Variants in WWOX observed in about 807,000 individuals in gnomAD.
WWOX encodes the protein WW domain-containing oxidoreductase.
In WWOX, 69 loss-of-function variants were observed where a neutral mutation model predicts 46.2. That is an observed-to-expected ratio of 1.49 (90% confidence interval 1.23 to 1.82). The LOEUF (loss-of-function observed/expected upper bound fraction) is 1.82, where lower values mean the gene tolerates loss of function less well. Among genes scored for constraint, WWOX ranks in the 40% most tolerant of loss-of-function variants. The pLI, the probability that WWOX is intolerant of heterozygous loss-of-function variation, is 0.00. For synonymous variants in WWOX, 359 were observed against 202.6 expected, an observed-to-expected ratio of 1.77 and a Z score of -6.56; for missense variants, 919 against 542.6, an observed-to-expected ratio of 1.69 and a Z score of -6.89.
At chr16:78,836,352 C>T (rs769658634) in intron 8 of WWOX, among the ~76,000 whole-genome samples, 1 of 152,096 alleles carries the variant, frequency 6.6e-6, no homozygotes, top group Non-Finnish European at 1.5e-5. Context: ...CCAGTGGCCC[C>T]AGCAGAGATA....
At chr16:78,838,437 A>G (rs1017376910) in intron 8 of WWOX, among the ~76,000 whole-genome samples, 1 of 152,182 alleles carries the variant, frequency 6.6e-6, no homozygotes, top group Non-Finnish European at 1.5e-5. Flanking sequence ...CAATAAGAAT[A>G]TTTTCTTTGG....
At chr16:78,431,510 C>A (rs1302446725) in intron 7 of WWOX, among the ~76,000 whole-genome samples, 1 of 152,086 alleles carries the variant, frequency 6.6e-6, no homozygotes, top group Admixed American at 6.6e-5. Flanking sequence ...TGATATCTTT[C>A]TGTTTCCAAA....
chr16:78,531,785 G>C (rs1597221616), intron 8 of WWOX, among the ~76,000 whole-genome samples: 1 of 152,282 alleles, frequency 6.6e-6, no homozygotes, highest in East Asian at 1.9e-4. Context: ...TTGAACTCCA[G>C]AGGCAGAGGT....
At chr16:79,055,979 C>A (rs984469512) in intron 8 of WWOX, among the ~76,000 whole-genome samples, 3 of 152,120 alleles carry the variant, frequency 2.0e-5, no homozygotes, top group African/African-American at 7.2e-5. Context: ...TTCTTTCATT[C>A]TCTGATCTGT....
intron 8 of WWOX, among the ~76,000 whole-genome samples, chr16:78,571,750 C>T (rs900683410): frequency 5.3e-5 from 8 of 152,122 alleles, no homozygotes; most frequent in Non-Finnish European, 1.2e-4. Flanking sequence ...TGACTGCAAT[C>T]CCAGCTACTC....
At chr16:78,562,781 A>T (rs1253425267) in intron 8 of WWOX, among the ~76,000 whole-genome samples, 1 of 152,216 alleles carries the variant, frequency 6.6e-6, no homozygotes, top group African/African-American at 2.4e-5. Context: ...GACCCTGTCT[A>T]TGGAAGTGCT....
intron 8 of WWOX, among the ~76,000 whole-genome samples, chr16:78,802,915 G>GGAAAA: frequency 9.6e-5 from 1 of 10,442 alleles, no homozygotes; most frequent in Non-Finnish European, 1.9e-4. Flanking sequence ...GACTTCATCT[G>GGAAAA]AAAAAAAAAA....
In WWOX at chr16:78,726,048, A is replaced by T. The variant is rs543178970; in HGVS notation, c.1056+293296A>T. 2.0e-3 allele frequency among the ~76,000 whole-genome samples: 207 copies of T among 106,138 alleles called. 1 individual carries two copies. The highest frequency in any genetic ancestry group is 0.014 in the South Asian group (42 of 2,930). 69.6% of individuals were successfully genotyped at this position (106,138 alleles called of 152,430 possible). On this transcript the variant is annotated intron_variant, in intron 8 of 8. Transcript: ENST00000566780. ...TAGTTCTCCTCCTTTCTTCTTTCTT[A>T]CTTTTACTCCTCCCTGCTTCCCTTC...
At chr16:78,725,771 G>A (rs1487504488) in intron 8 of WWOX, among the ~76,000 whole-genome samples, 3 of 151,978 alleles carry the variant, frequency 2.0e-5, no homozygotes, top group Non-Finnish European at 4.4e-5. Flanking sequence ...AAGGCTCCAG[G>A]GATGATCTAC....
intron 8 of WWOX, among the ~76,000 whole-genome samples, chr16:78,546,587 A>G (rs770358245): frequency 6.6e-6 from 1 of 152,216 alleles, no homozygotes; most frequent in Non-Finnish European, 1.5e-5. Context: ...ACTTCTGGAT[A>G]CCTGAGACTC....
chr16:78,609,615 G>A (rs1262619782), intron 8 of WWOX, among the ~76,000 whole-genome samples: 2 of 151,472 alleles, frequency 1.3e-5, no homozygotes, highest in African/African-American at 2.4e-5. Context: ...CACCAGGCAG[G>A]CTCTTGGGGG....
chr16:79,211,297 T>G (rs2051736312), intron 8 of WWOX, among the ~76,000 whole-genome samples: 1 of 152,168 alleles, frequency 6.6e-6, no homozygotes, highest in Non-Finnish European at 1.5e-5. Flanking sequence ...ATACCATCTT[T>G]TTCTCTGTGT....
intron 6 of WWOX, among the ~76,000 whole-genome samples, chr16:78,407,255 T>C (rs1326992785): frequency 6.6e-6 from 1 of 152,204 alleles, no homozygotes. Flanking sequence ...GGGCCCTTTC[T>C]ATTGAATTTC....
intron 5 of WWOX, among the ~76,000 whole-genome samples, chr16:78,292,337 C>A (rs1390647062): frequency 6.6e-6 from 1 of 152,148 alleles, no homozygotes; most frequent in Admixed American, 6.6e-5. Context: ...ACAGAGCTGT[C>A]TGTCATTTTC....
At chr16:78,318,081 C>G (rs557512103) in intron 5 of WWOX, among the ~76,000 whole-genome samples, 3 of 152,174 alleles carry the variant, frequency 2.0e-5, no homozygotes, top group African/African-American at 7.2e-5. Context: ...TAACAATATC[C>G]TTTTAGAGAA....
intron 6 of WWOX, among the ~76,000 whole-genome samples, chr16:78,422,508 C>CT (rs977447057): frequency 1.3e-5 from 2 of 150,318 alleles, no homozygotes; most frequent in African/African-American, 4.9e-5. Flanking sequence ...CCACACCTGG[C>CT]TCACTTTCGG....
At chr16:79,184,550 A>T (rs2050976085) in intron 8 of WWOX, among the ~76,000 whole-genome samples, 1 of 151,742 alleles carries the variant, frequency 6.6e-6, no homozygotes, top group African/African-American at 2.4e-5. Flanking sequence ...CCTGCCTCTG[A>T]CTCTGGTGTT....
rs1272175012 is a variant in WWOX, at chr16:78,796,029, TG to T, written c.1056+363279del. Among the ~76,000 whole-genome samples, 783 of 152,328 alleles carry T rather than the reference TG, an allele frequency of 5.1e-3. 12 individuals are homozygous for T. Among genetic ancestry groups the T allele is most frequent in the African/African-American group, 0.018 (750 of 41,564 alleles). On this transcript the variant is annotated intron_variant, in intron 8 of 8. Transcript: ENST00000566780. ...TCCTAAGACCCACTAAGGAAGTTTG[TG>T]GCAATATTTGCTCAAAGACAGTATA...
Position 78,347,235 on chromosome 16 carries a change from T to A in WWOX, c.517-39625T>A, listed in dbSNP as rs2081108792. Among the ~76,000 whole-genome samples, 3 of 115,522 alleles carry A rather than the reference T, an allele frequency of 2.6e-5. 1 individual carries two copies. In the South Asian group the frequency reaches 8.0e-4, roughly 31 times the overall value. The allele number at this position is 115,522 out of a possible 152,430, so 75.8% of individuals were successfully genotyped here. On this transcript the variant is annotated intron_variant, in intron 5 of 8. Transcript: ENST00000566780. Reference sequence around the variant, plus strand: ...CCATTCTCTTTCCATCCTTTAAATGTCAGTGTCCCCCACAATTCTGTTGTT... The same window carrying A: ...CCATTCTCTTTCCATCCTTTAAATGACAGTGTCCCCCACAATTCTGTTGTT...
Sources: allele counts gnomAD v4.1 joint callset (sites outside exome capture counted in the v4.1 genomes callset), GRCh38; gene constraint gnomAD v4.1.1; transcripts MANE v1.5; gene names NCBI Gene and HGNC (gene_info 2026-07-23, HGNC 2026-07-21).